ARHGAP44: variants seen among roughly 807,000 people sequenced by gnomAD.
ARHGAP44 encodes rho GTPase-activating protein 44.
Under a neutral mutation model 106.8 loss-of-function variants are expected in ARHGAP44, and 43 were observed. That is an observed-to-expected ratio of 0.40 (90% CI 0.32 to 0.52). The LOEUF (loss-of-function observed/expected upper bound fraction) is 0.52. Among genes scored for constraint, ARHGAP44 ranks in the 20% least tolerant of loss-of-function variants. The pLI is 0.48. For synonymous variants in ARHGAP44, 439 were observed against 410.3 expected, an observed-to-expected ratio of 1.07 and a Z score of -0.85; for missense variants, 866 against 1,050.5, an observed-to-expected ratio of 0.82 and a Z score of 2.43.
intron 1 of ARHGAP44, among the ~76,000 whole-genome samples, chr17:12,856,499 C>T (rs72813147): frequency 0.068 from 10,318 of 152,194 alleles, 420 homozygotes; most frequent in South Asian, 0.19. Flanking sequence ...CGGAAGTTGG[C>T]CCTAGGCAAT....
At chr17:12,929,650 C>T (rs2038343281) in intron 7 of ARHGAP44, among the ~76,000 whole-genome samples, 2 of 152,180 alleles carry the variant, frequency 1.3e-5, no homozygotes, top group African/African-American at 4.8e-5. Flanking sequence ...CCTTTTCTTG[C>T]AAATATTTCA....
chr17:12,934,060 G>T (rs2038476587), intron 7 of ARHGAP44, among the ~76,000 whole-genome samples: 1 of 151,932 alleles, frequency 6.6e-6, no homozygotes, highest in Non-Finnish European at 1.5e-5. Flanking sequence ...TGTTAGCCAG[G>T]ATGGTGTCGA....
intron 1 of ARHGAP44, among the ~76,000 whole-genome samples, chr17:12,831,722 C>T (rs1195003114): frequency 6.6e-6 from 1 of 152,124 alleles, no homozygotes; most frequent in African/African-American, 2.4e-5. Context: ...GTATATGCAT[C>T]TCACAGGGAC....
In ARHGAP44 at chr17:12,900,100, AC is replaced by A. The variant is rs1567675896; in HGVS notation, c.198+3591del. Among the ~76,000 whole-genome samples, 3 of 152,140 alleles carry A rather than the reference AC, an allele frequency of 2.0e-5. No homozygotes were observed. The East Asian group carries it at 5.8e-4, about 29-fold the overall frequency. On this transcript the variant is annotated intron_variant, in intron 3 of 20. Coordinates refer to ENST00000379672, the MANE Select transcript of ARHGAP44 (RefSeq NM_014859.6). Reference sequence around the variant, plus strand: ...ATGAAGAATAGAAAGCATATGAATTACCTTTCCATGTTGCCATCTTTTTTTA... The same window carrying A: ...ATGAAGAATAGAAAGCATATGAATTACTTTCCATGTTGCCATCTTTTTTTA...
intron 1 of ARHGAP44, among the ~76,000 whole-genome samples, chr17:12,839,111 A>C (rs1339840969): frequency 1.3e-5 from 2 of 152,204 alleles, no homozygotes; most frequent in Non-Finnish European, 2.9e-5. Flanking sequence ...GAGTAACAGC[A>C]GGAAAAAGAT....
chr17:12,891,532 A>G (rs1324805393), intron 1 of ARHGAP44, among the ~76,000 whole-genome samples: 1 of 152,154 alleles, frequency 6.6e-6, no homozygotes, highest in Non-Finnish European at 1.5e-5. Flanking sequence ...CAGTGACAGC[A>G]TTAATTCATT....
At chr17:12,902,726 A>G (rs2037410343) in intron 3 of ARHGAP44, among the ~76,000 whole-genome samples, 1 of 152,200 alleles carries the variant, frequency 6.6e-6, no homozygotes, top group East Asian at 1.9e-4. Context: ...CAGTTCTGTC[A>G]CTTCCTAATT....
intron 1 of ARHGAP44, among the ~76,000 whole-genome samples, chr17:12,828,321 C>G (rs935752818): frequency 6.6e-6 from 1 of 151,964 alleles, no homozygotes; most frequent in Non-Finnish European, 1.5e-5. Flanking sequence ...CACATTTCTT[C>G]TAGGTTTTGG....
chr17:12,884,897 G>A (rs9916744), intron 1 of ARHGAP44, among the ~76,000 whole-genome samples: 20,463 of 151,870 alleles, frequency 0.13, 2,058 homozygotes, highest in East Asian at 0.34. Context: ...AGCATTTTTT[G>A]TTTGTTTGTT....
At chr17:12,914,818 C>T (rs6502216) in intron 4 of ARHGAP44, among the ~76,000 whole-genome samples, 1 of 142,030 alleles carries the variant, frequency 7.0e-6, no homozygotes, top group Non-Finnish European at 1.6e-5. Context: ...AAAAAAACCT[C>T]AAAAAAAAAA....
chr17:12,840,357 C>G (rs1363453467), intron 1 of ARHGAP44, among the ~76,000 whole-genome samples: 1 of 152,170 alleles, frequency 6.6e-6, no homozygotes, highest in African/African-American at 2.4e-5. Context: ...CTTGGTTGTA[C>G]TGTAATCTTA....
At chr17:12,791,034 A>T (rs2033737177) in intron 1 of ARHGAP44, among the ~76,000 whole-genome samples, 1 of 152,110 alleles carries the variant, frequency 6.6e-6, no homozygotes, top group Non-Finnish European at 1.5e-5. Flanking sequence ...GGCATCTGGT[A>T]GGATGGGGGT....
At chr17:12,944,220 C>T (rs1447143249) in intron 10 of ARHGAP44, 24 bp downstream of exon 10, 1 of 1,571,524 alleles carries the variant, frequency 6.4e-7, no homozygotes, top group Admixed American at 1.7e-5. Flanking sequence ...CAGCCACACG[C>T]CGCCCCGGGC....
At chr17:12,867,805 A>G (rs1567657945) in intron 1 of ARHGAP44, among the ~76,000 whole-genome samples, 1 of 152,234 alleles carries the variant, frequency 6.6e-6, no homozygotes, top group Non-Finnish European at 1.5e-5. Context: ...CTATTCGACC[A>G]GGTTTATGCC....
At chr17:12,790,020 T>A (rs940745914) in intron 1 of ARHGAP44, 129 bp downstream of exon 1, 1 of 874,818 alleles carries the variant, frequency 1.1e-6, no homozygotes, top group Non-Finnish European at 1.6e-6. Context: ...ACCAGCTCCC[T>A]CCAGGCGCCG....
intron 1 of ARHGAP44, among the ~76,000 whole-genome samples, chr17:12,828,628 TTTTC>T (rs1567635246): frequency 7.0e-6 from 1 of 142,152 alleles, no homozygotes; most frequent in African/African-American, 2.9e-5. Context: ...TTGGATTTTT[TTTTC>T]TTTCTTTTTT....
intron 1 of ARHGAP44, among the ~76,000 whole-genome samples, chr17:12,802,485 C>T (rs2034123326): frequency 6.6e-6 from 1 of 152,094 alleles, no homozygotes; most frequent in Non-Finnish European, 1.5e-5. Context: ...TTCGTTAAGT[C>T]CGATCTTCAC....
At chr17:12,873,840 GT>G (rs1263548785) in intron 1 of ARHGAP44, among the ~76,000 whole-genome samples, 1 of 152,150 alleles carries the variant, frequency 6.6e-6, no homozygotes, top group African/African-American at 2.4e-5. Flanking sequence ...GGAGGTGGAA[GT>G]TGCAGTGAGC....
At position 12,789,723 on chromosome 17, in the gene ARHGAP44, G is replaced by A; in HGVS notation, c.-116G>A. Reference sequence around the variant, plus strand: ...GGGCCAGACGGCGCCCGGAGGCTCCGCAGTGCCGCCGCCGTCGCCCGGGAG... The same window carrying A: ...GGGCCAGACGGCGCCCGGAGGCTCCACAGTGCCGCCGCCGTCGCCCGGGAG... On this transcript the variant is annotated 5_prime_UTR_variant, in exon 1 of 21. Transcript: ENST00000379672. 3 of 968,866 alleles carry A rather than the reference G, an allele frequency of 3.1e-6. No homozygotes were observed. Among genetic ancestry groups the A allele is most frequent in the South Asian group, 2.9e-5 (1 of 34,170 alleles). The allele number at this position is 968,866 out of a possible 1,614,324, so 60.0% of individuals were successfully genotyped here.
Sources: gnomAD v4.1 joint callset for allele counts (sites outside exome capture counted in the v4.1 genomes callset) on GRCh38, gnomAD v4.1.1 for gene constraint, MANE v1.5 for transcripts, NCBI Gene and HGNC (gene_info 2026-07-23, HGNC 2026-07-21) for gene names.